PHKG2: variants seen among roughly 807,000 people sequenced by gnomAD.
PHKG2 encodes phosphorylase b kinase gamma catalytic chain, liver/testis isoform.
A neutral mutation model predicts 44.5 loss-of-function variants in PHKG2; 28 were observed. That is an observed-to-expected ratio of 0.63 (90% CI 0.47 to 0.86). PHKG2 has a LOEUF of 0.86. PHKG2 is among the 40% of genes least tolerant of loss of function. PHKG2 has a pLI of 0.00. For missense variants in PHKG2, 498 were observed against 547.5 expected (o/e 0.91, Z 0.90); for synonymous variants, 220 against 211.2 (o/e 1.04, Z -0.36).
chr16:30,760,333 C>T lies in PHKG2; in HGVS notation c.*3236C>T. On this transcript the variant is annotated 3_prime_UTR_variant, in exon 10 of 10. Transcript: ENST00000563588. Reference sequence around the variant, plus strand: ...GGAGCAGGGCACAAGCCGCTGACGTCTGCTCCAGTGAGAAGCCCTGCTGGC... The same window carrying T: ...GGAGCAGGGCACAAGCCGCTGACGTTTGCTCCAGTGAGAAGCCCTGCTGGC... 6.2e-7 allele frequency: 1 copy of T among 1,614,240 alleles called. No homozygotes were observed. Among genetic ancestry groups the T allele is most frequent in the Non-Finnish European group, 8.5e-7 (1 of 1,180,046 alleles).
chr16:30,758,901 G>C lies in PHKG2; in HGVS notation c.*1804G>C. On this transcript the variant is annotated 3_prime_UTR_variant, in exon 10 of 10. Transcript: ENST00000563588. ...GGACTTCTGCATAAGGGATCATTTA[G>C]AGAAAGGACTCTGACTAAAAACAAA... 4 of 1,514,412 alleles carry C rather than the reference G, an allele frequency of 2.6e-6. No individual in the cohort carries two copies. The Admixed American group carries it at 6.4e-5, about 24-fold the overall frequency. The allele number at this position is 1,514,412 out of a possible 1,614,324, so 93.8% of individuals were successfully genotyped here.
rs1004990182 is a variant in PHKG2, at chr16:30,757,779, T to C, written c.*682T>C. The C allele has an allele frequency of 1.4e-6, 2 of 1,436,900 alleles. No individual in the cohort carries two copies. The highest frequency in any genetic ancestry group is 2.9e-5 in the Admixed American group (1 of 34,488). 89.0% of individuals were successfully genotyped at this position (1,436,900 alleles called of 1,614,324 possible). On this transcript the variant is annotated 3_prime_UTR_variant, in exon 10 of 10. Coordinates refer to ENST00000563588, the MANE Select transcript of PHKG2 (RefSeq NM_000294.3). ...TGGGGATATAGAGGTAGCAATGTTG[T>C]TTCCCTTTAGGAAATGTTAGCAAGC...
chr16:30,748,479 C>A lies in PHKG2; in HGVS notation c.-30C>A. The A allele has an allele frequency of 2.7e-6, 1 of 373,976 alleles. No individual in the cohort carries two copies. The highest frequency in any genetic ancestry group is 4.9e-6 in the Non-Finnish European group (1 of 203,688). The allele number at this position is 373,976 out of a possible 1,614,324, so 23.2% of individuals were successfully genotyped here. A position where few individuals can be genotyped will look rare whatever the true frequency, so the allele number is the denominator to read the frequency against. On this transcript the variant is annotated 5_prime_UTR_variant, in exon 1 of 10. In the 5' UTR this introduces an upstream ATG that the reference lacks. Transcript: ENST00000563588. ...CTCGCGTCGACCCTGGCTCCTCTGC[C>A]TGCCCCCTCAGGTGAGCCTGCGCTA...
At chr16:30,749,280 C>CTG (rs66820167) in intron 2 of PHKG2, among the ~76,000 whole-genome samples, 7 of 147,660 alleles carry the variant, frequency 4.7e-5, no homozygotes, top group East Asian at 2.0e-4. Flanking sequence ...GTGTGTGTGT[C>CTG]TGTGTGTGTG....
At position 30,751,162 on chromosome 16, in the gene PHKG2, C is replaced by T. The variant is rs770253840; in HGVS notation, c.152C>T (p.Ala51Val). The T allele has an allele frequency of 1.5e-5, 24 of 1,613,750 alleles. No homozygotes were observed. The highest frequency in any genetic ancestry group is 6.6e-5 in the South Asian group (6 of 91,080). ...CATCGAGCTACTGGCCACGAGTTTG[C>T]GGTGAAGATTATGGAAGTGACAGCT... ...CVHRATGHEF[A>V]VKIMEVTAER... The change falls in exon 3 of 10, where the codon GCG (alanine) becomes GTG (valine). Residue 51 changes from alanine (A) to valine (V), a missense_variant. Physicochemically the swap from Ala to Val is moderately conservative, Grantham distance 64 (BLOSUM62 0). Coordinates refer to ENST00000563588, the MANE Select transcript of PHKG2 (RefSeq NM_000294.3).
intron 1 of PHKG2, 56 bp downstream of exon 1, chr16:30,748,546 C>T (rs2053282688): frequency 1.9e-6 from 1 of 529,482 alleles, no homozygotes; most frequent in Non-Finnish European, 3.4e-6. Flanking sequence ...TGCGCCTGCG[C>T]GGCAACAGCC....
At position 30,757,100 on chromosome 16, in the gene PHKG2, C is replaced by T. The variant is rs756727483; in HGVS notation, c.*3C>T. ...AGGCCGTGCTTGTGCTGGGCTAGGA[C>T]CTCAACCCCAGGGATTCCCAGGAAG... is the stretch of plus-strand genomic sequence containing the variant. On this transcript the variant is annotated 3_prime_UTR_variant, in exon 10 of 10. Transcript: ENST00000563588. The T allele has an allele frequency of 1.9e-6, 3 of 1,613,010 alleles. No homozygotes were observed. Among genetic ancestry groups the T allele is most frequent in the Non-Finnish European group, 1.7e-6 (2 of 1,180,014 alleles).
In PHKG2 at chr16:30,757,735, G is replaced by A; in HGVS notation, c.*638G>A. 6.7e-7 allele frequency: 1 copy of A among 1,503,326 alleles called. No homozygotes were observed. Among genetic ancestry groups the A allele is most frequent in the Non-Finnish European group, 8.9e-7 (1 of 1,129,504 alleles). The allele number at this position is 1,503,326 out of a possible 1,614,324, so 93.1% of individuals were successfully genotyped here. On this transcript the variant is annotated 3_prime_UTR_variant, in exon 10 of 10. Transcript: ENST00000563588. ...GGGATGGTCCCTAGTTGGGCAAACAGTCCCCAAATTTCCCCTGGTGGGGAT... is the reference window on the plus strand; with the variant it reads ...GGGATGGTCCCTAGTTGGGCAAACAATCCCCAAATTTCCCCTGGTGGGGAT...
intron 4 of PHKG2, 156 bp downstream of exon 4, chr16:30,751,759 T>A: frequency 1.3e-6 from 1 of 784,264 alleles, no homozygotes; most frequent in Non-Finnish European, 2.3e-6. Flanking sequence ...CGCATGGCTC[T>A]GGCCTTCTCC....
chr16:30,753,729 C>A (rs530898714), intron 6 of PHKG2, among the ~76,000 whole-genome samples, 172 bp downstream of exon 6: 1 of 152,244 alleles, frequency 6.6e-6, no homozygotes, highest in African/African-American at 2.4e-5. Flanking sequence ...GAGTGGGCAT[C>A]CTGACCTGGG....
Position 30,759,612 on chromosome 16 carries a change from T to A in PHKG2, c.*2515T>A. 1 of 1,614,080 alleles carries A rather than the reference T, an allele frequency of 6.2e-7. No homozygotes were observed. On this transcript the variant is annotated 3_prime_UTR_variant, in exon 10 of 10. Coordinates refer to ENST00000563588, the MANE Select transcript of PHKG2 (RefSeq NM_000294.3). ...GAGAGAGACTGGGTGAGACCTTGTCTGGGGATGGGTAAAGTTTCCAGAATG... is the reference window on the plus strand; with the variant it reads ...GAGAGAGACTGGGTGAGACCTTGTCAGGGGATGGGTAAAGTTTCCAGAATG...
intron 3 of PHKG2, 121 bp from the exon 4 acceptor site, chr16:30,751,428 T>G: frequency 7.9e-7 from 1 of 1,271,916 alleles, no homozygotes; most frequent in Non-Finnish European, 1.2e-6. Flanking sequence ...GCCCACTGCC[T>G]CCTCTGGTTC....
In PHKG2 at chr16:30,759,136, A is replaced by G; in HGVS notation, c.*2039A>G. 1.2e-6 allele frequency: 2 copies of G among 1,614,186 alleles called. No homozygotes were observed. Among genetic ancestry groups the G allele is most frequent in the South Asian group, 2.2e-5 (2 of 91,078 alleles). On this transcript the variant is annotated 3_prime_UTR_variant, in exon 10 of 10. Coordinates refer to ENST00000563588, the MANE Select transcript of PHKG2 (RefSeq NM_000294.3). ...AGAAGCAGGAAGAGACTGTGGCCCCAGGCCTGGCCCAGCCCAGCCCTGCCC... is the reference window on the plus strand; with the variant it reads ...AGAAGCAGGAAGAGACTGTGGCCCCGGGCCTGGCCCAGCCCAGCCCTGCCC...
intron 6 of PHKG2, among the ~76,000 whole-genome samples, chr16:30,754,241 C>T (rs2053388237): frequency 6.6e-6 from 1 of 151,442 alleles, no homozygotes; most frequent in African/African-American, 2.4e-5. Flanking sequence ...TCTTCACTCA[C>T]CGAAATCTCC....
intron 9 of PHKG2, 29 bp from the exon 10 acceptor site, chr16:30,756,775 A>G (rs1417633666): frequency 1.1e-5 from 18 of 1,613,956 alleles, no homozygotes; most frequent in East Asian, 2.2e-5. Context: ...TTTCCCCTGC[A>G]CTAGAGCTCA....
In PHKG2 at chr16:30,759,643, G is replaced by A; in HGVS notation, c.*2546G>A. On this transcript the variant is annotated 3_prime_UTR_variant, in exon 10 of 10. Transcript: ENST00000563588. ...TGGGTAAAGTTTCCAGAATGTTCCA[G>A]GGGAACTGACCCTGACTCCATGGCA... 6.2e-7 allele frequency: 1 copy of A among 1,614,048 alleles called. No homozygotes were observed. Among genetic ancestry groups the A allele is most frequent in the Non-Finnish European group, 8.5e-7 (1 of 1,180,036 alleles).
rs1384507585 is a variant in PHKG2 at position 30,748,851 on chromosome 16, C to T, written c.31C>T (p.Leu11=). Residue 11 remains leucine, a synonymous_variant, in exon 2 of 10, where the codon CTG becomes TTG. Coordinates refer to ENST00000563588, the MANE Select transcript of PHKG2 (RefSeq NM_000294.3). MTLDVGPEDE[L]PDWAAAKEFY... is the part of the protein sequence containing the mutation. ...GCTGGACGTGGGGCCGGAGGATGAG[C>T]TGCCCGACTGGGCCGCCGCCAAAGA... The T allele has an allele frequency of 4.5e-6, 7 of 1,553,498 alleles. No individual in the cohort carries two copies. Among genetic ancestry groups the T allele is most frequent in the Non-Finnish European group, 6.1e-6 (7 of 1,148,018 alleles).
In PHKG2 at chr16:30,757,311, G is replaced by T; in HGVS notation, c.*214G>T. The T allele has an allele frequency of 6.5e-7, 1 of 1,535,232 alleles. No individual in the cohort carries two copies. The highest frequency in any genetic ancestry group is 2.0e-5 in the Admixed American group (1 of 50,932). On this transcript the variant is annotated 3_prime_UTR_variant, in exon 10 of 10. Coordinates refer to ENST00000563588, the MANE Select transcript of PHKG2 (RefSeq NM_000294.3). ...CCATTCTGAACGCCACGCCTGGCCC[G>T]GTCAGTGCTGCATGCACTGCATATG...
chr16:30,751,313 A>G lies in PHKG2; in HGVS notation c.271+32A>G, dbSNP rs2053340402. 14 of 1,602,504 alleles carry G rather than the reference A, an allele frequency of 8.7e-6. No homozygotes were observed. The East Asian group carries it at 2.9e-4, about 33-fold the overall frequency. ...CTGTCTTCCTTGCTCCTGTTAGCAG[A>G]CGACCCCCCACCTCCTGCTGGCCCT... On this transcript the variant is annotated intron_variant, in intron 3 of 9. Coordinates refer to ENST00000563588, the MANE Select transcript of PHKG2 (RefSeq NM_000294.3).
Sources: allele counts gnomAD v4.1 joint callset (sites outside exome capture counted in the v4.1 genomes callset), GRCh38; gene constraint gnomAD v4.1.1; transcripts MANE v1.5; gene names NCBI Gene and HGNC (gene_info 2026-07-23, HGNC 2026-07-21).